Variants in ACTN2 observed in about 807,000 individuals in gnomAD.
ACTN2 encodes actinin alpha 2.
Under a neutral mutation model 113.8 loss-of-function variants are expected in ACTN2, and 39 were observed. That is an observed-to-expected ratio of 0.34 (90% confidence interval 0.27 to 0.45). The LOEUF (loss-of-function observed/expected upper bound fraction) is 0.45, where lower values mean the gene tolerates loss of function less well. Among genes scored for constraint, ACTN2 ranks in the 20% least tolerant of loss-of-function variants. The probability of loss-of-function intolerance (pLI) is 1.00; values close to 1 mark genes in which losing one functional copy is unlikely to be tolerated. For synonymous variants in ACTN2, 429 were observed against 444.1 expected (o/e 0.97, Z 0.43); for missense variants, 992 against 1,177.9 (o/e 0.84, Z 2.31).
intron 7 of ACTN2, among the ~76,000 whole-genome samples, chr1:236,733,239 T>C (rs1294066196): frequency 6.6e-6 from 1 of 152,186 alleles, no homozygotes; most frequent in Admixed American, 6.5e-5. Context: ...GAGGAGAAAA[T>C]AGGCAACAGT....
In ACTN2 at chr1:236,755,211, G is replaced by C. The variant is rs1210785689; in HGVS notation, c.2154+13G>C. ...CTACACGATGGAGGTACGGCAGCCA[G>C]ACAGGCGTGTGCCGCTCACTTCTCA... On this transcript the variant is annotated intron_variant, in intron 17 of 20. Coordinates refer to ENST00000366578, the MANE Select transcript of ACTN2 (RefSeq NM_001103.4). 1 of 1,614,032 alleles carries C rather than the reference G, an allele frequency of 6.2e-7. No individual in the cohort carries two copies. Among genetic ancestry groups the C allele is most frequent in the Admixed American group, 1.7e-5 (1 of 60,028 alleles).
At chr1:236,760,129 C>T (rs1659663382) in intron 19 of ACTN2, among the ~76,000 whole-genome samples, 1 of 151,910 alleles carries the variant, frequency 6.6e-6, no homozygotes, top group Non-Finnish European at 1.5e-5. Context: ...ACCTGTAGTC[C>T]CAGCTACTTG....
At chr1:236,738,757 G>A (rs765600792) in intron 9 of ACTN2, among the ~76,000 whole-genome samples, 16 of 152,186 alleles carry the variant, frequency 1.1e-4, no homozygotes, top group Non-Finnish European at 2.2e-4. Context: ...TACCACGTTC[G>A]CTTTTATCAT....
chr1:236,753,440 A>G (rs988427574), intron 15 of ACTN2, among the ~76,000 whole-genome samples: 3 of 152,316 alleles, frequency 2.0e-5, no homozygotes, highest in Admixed American at 1.3e-4. Flanking sequence ...TGGAATGTCT[A>G]TGATTTATGC....
intron 3 of ACTN2, 134 bp downstream of exon 3, chr1:236,719,147 G>T: frequency 7.9e-7 from 1 of 1,260,396 alleles, no homozygotes; most frequent in Middle Eastern, 2.7e-4. Context: ...CTCTCTCTTA[G>T]GGCGCTCGGT....
At chr1:236,748,266 A>G (rs1283102363) in intron 13 of ACTN2, 1 of 164,214 alleles carries the variant, frequency 6.1e-6, no homozygotes, top group African/African-American at 2.4e-5. Flanking sequence ...GTCTTTAACC[A>G]TGGAAGACAT....
rs1260964961 is a variant in ACTN2, at chr1:236,764,608, A to C, written c.*1989A>C. 1 of 151,882 alleles carries C rather than the reference A, an allele frequency of 6.6e-6. No individual in the cohort carries two copies. The allele number at this position is 151,882 out of a possible 1,614,324, so 9.4% of individuals were successfully genotyped here. A position where few individuals can be genotyped will look rare whatever the true frequency, so the allele number is the denominator to read the frequency against. On this transcript the variant is annotated 3_prime_UTR_variant, in exon 21 of 21. Coordinates refer to ENST00000366578, the MANE Select transcript of ACTN2 (RefSeq NM_001103.4). ...TAAAACGTTTATAAGTTTCTAAATT[A>C]AACTTAATTTATAAAAGAAAAAAGA...
chr1:236,726,015 T>A lies in ACTN2; in HGVS notation c.531T>A (p.His177Gln). The A allele has an allele frequency of 6.2e-7, 1 of 1,613,974 alleles. No individual in the cohort carries two copies. Among genetic ancestry groups the A allele is most frequent in the Non-Finnish European group, 8.5e-7 (1 of 1,179,854 alleles). The change falls in exon 5 of 21, where the codon CAT becomes CAA. Residue 177 changes from histidine to glutamine, a missense_variant. Around this residue, in one of 3 missense-constraint regions of ACTN2, gnomAD observed 220 missense variants for 337.5 expected, o/e 0.65. Transcript: ENST00000366578. ...GAAATGTGAACATTCAGAACTTCCA[T>A]ACTAGGTGAGCACCCAGGGCCCCTG... ...PYRNVNIQNF[H>Q]TSWKDGLGLC...
chr1:236,691,604 C>T (rs564360852), intron 1 of ACTN2, among the ~76,000 whole-genome samples: 52 of 151,678 alleles, frequency 3.4e-4, no homozygotes, highest in East Asian at 2.1e-3. Context: ...GTGATCGTGC[C>T]GCTGCACTCC....
At chr1:236,762,130 C>T (rs573579195) in intron 20 of ACTN2, among the ~76,000 whole-genome samples, 2 of 151,770 alleles carry the variant, frequency 1.3e-5, no homozygotes, top group African/African-American at 4.8e-5. Context: ...TCCCACTGAA[C>T]TTTTTTTTTA....
Position 236,751,559 on chromosome 1 carries a change from G to A in ACTN2, c.1746G>A (p.Val582=), listed in dbSNP as rs937420613. Residue 582 remains valine, a synonymous_variant, in exon 15 of 21, where the codon GTG becomes GTA. Coordinates refer to ENST00000366578, the MANE Select transcript of ACTN2 (RefSeq NM_001103.4). The part of the protein sequence containing the change: ...RQSIMAIQNE[V]EKVIQSYNIR... Reference sequence around the variant, plus strand: ...CCATCATGGCCATCCAGAACGAGGTGGAGAAGGTGATTCAGAGCTACAACA... The same window carrying A: ...CCATCATGGCCATCCAGAACGAGGTAGAGAAGGTGATTCAGAGCTACAACA... 6.2e-7 allele frequency: 1 copy of A among 1,614,072 alleles called. No individual in the cohort carries two copies.
chr1:236,757,730 A>G (rs1215275098), intron 18 of ACTN2, 98 bp downstream of exon 18: 16 of 1,490,388 alleles, frequency 1.1e-5, no homozygotes, highest in Middle Eastern at 1.7e-4. Context: ...AAGGCTCCAC[A>G]ACATTTACAG....
At chr1:236,722,160 T>C (rs930972869) in intron 4 of ACTN2, among the ~76,000 whole-genome samples, 4 of 152,222 alleles carry the variant, frequency 2.6e-5, no homozygotes, top group African/African-American at 4.8e-5. Context: ...TTATTTGTTT[T>C]AGTTTCATGG....
At chr1:236,711,641 C>T (rs1268225389) in intron 1 of ACTN2, among the ~76,000 whole-genome samples, 2 of 152,220 alleles carry the variant, frequency 1.3e-5, no homozygotes, top group Middle Eastern at 3.2e-3. Flanking sequence ...TGAGCCACCA[C>T]GCTTGGCCAG....
intron 19 of ACTN2, among the ~76,000 whole-genome samples, 183 bp from the exon 20 acceptor site, chr1:236,760,832 T>C (rs540748079): frequency 2.0e-5 from 3 of 152,334 alleles, no homozygotes; most frequent in East Asian, 1.9e-4. Flanking sequence ...TTAAAATTGT[T>C]TGGTAGCAGT....
rs1572086554 is a variant in ACTN2, at chr1:236,686,521, C to T, written c.-153C>T. On this transcript the variant is annotated 5_prime_UTR_variant, in exon 1 of 21. Coordinates refer to ENST00000366578, the MANE Select transcript of ACTN2 (RefSeq NM_001103.4). ...GCCGGAGCTGGTGCTTCGCCCGAGA[C>T]CCAGCGCCCAGGCGTGTCGCCCCGA... The T allele has an allele frequency of 3.5e-6, 3 of 851,182 alleles. No individual in the cohort carries two copies. In the East Asian group the frequency reaches 1.2e-4, roughly 35 times the overall value. The allele number at this position is 851,182 out of a possible 1,614,324, so 52.7% of individuals were successfully genotyped here. A position where few individuals can be genotyped will look rare whatever the true frequency, so the allele number is the denominator to read the frequency against.
chr1:236,735,731 C>T lies in ACTN2; in HGVS notation c.783+11C>T. 1 of 1,612,324 alleles carries T rather than the reference C, an allele frequency of 6.2e-7. No individual in the cohort carries two copies. Among genetic ancestry groups the T allele is most frequent in the Non-Finnish European group, 8.5e-7 (1 of 1,178,384 alleles). ...GCGGGCGCGGAGCAGGTACTCAACA[C>T]TTGTCCGTCCGGGCTGTTGTGTTAC... On this transcript the variant is annotated intron_variant, in intron 8 of 20. Coordinates refer to ENST00000366578, the MANE Select transcript of ACTN2 (RefSeq NM_001103.4).
intron 9 of ACTN2, among the ~76,000 whole-genome samples, chr1:236,738,256 G>A (rs1363514411): frequency 1.3e-5 from 2 of 152,356 alleles, no homozygotes; most frequent in Admixed American, 6.5e-5. Flanking sequence ...TGATCCACCC[G>A]CCTTGGCCTC....
At position 236,695,987 on chromosome 1, in the gene ACTN2, A is replaced by G. The variant is rs139816915; in HGVS notation, c.126+9188A>G. Among the ~76,000 whole-genome samples the G allele has an allele frequency of 4.0e-3, 614 of 152,274 alleles. 3 individuals are homozygous for G. Among genetic ancestry groups the G allele is most frequent in the Admixed American group, 8.5e-3 (130 of 15,292 alleles). ...CTATATTTTATTAGTGAATGTGAGA[A>G]CCAAATGTACAAATAGGTGAATATG... On this transcript the variant is annotated intron_variant, in intron 1 of 20. Transcript: ENST00000366578.
Sources: gnomAD v4.1 joint callset for allele counts (sites outside exome capture counted in the v4.1 genomes callset) on GRCh38, gnomAD v4.1.1 for gene constraint, gnomAD v4.1.1 regional missense constraint, MANE v1.5 for transcripts, NCBI Gene and HGNC (gene_info 2026-07-23, HGNC 2026-07-21) for gene names.